HDAC9: variants seen among roughly 807,000 people sequenced by gnomAD.
HDAC9 encodes histone deacetylase 9, also known as MEF-2 interacting transcription repressor (MITR) protein.
In HDAC9, 41 loss-of-function variants were observed where a neutral mutation model predicts 139.4. The ratio of observed to expected loss-of-function variants is 0.29; its 90% CI spans 0.23 to 0.38. The LOEUF (loss-of-function observed/expected upper bound fraction) is 0.38, where lower values mean the gene tolerates loss of function less well. Among genes scored for constraint, HDAC9 ranks in the 10% least tolerant of loss-of-function variants. The pLI is 1.00. For synonymous variants in HDAC9, 517 were observed against 476.2 expected (o/e 1.09, Z -1.12); for missense variants, 1,147 against 1,297.0 (o/e 0.88, Z 1.78).
chr7:18,835,467 G>A lies in HDAC9; in HGVS notation c.2467G>A (p.Asp823Asn), dbSNP rs1273831560. 6.2e-7 allele frequency: 1 copy of A among 1,612,860 alleles called. No individual in the cohort carries two copies. Among genetic ancestry groups the A allele is most frequent in the Non-Finnish European group, 8.5e-7 (1 of 1,179,170 alleles). The change falls in exon 20 of 26, where the codon GAT becomes AAT. Residue 823 changes from aspartate (D) to asparagine (N), a missense_variant and splice_region_variant. Asp to Asn is a conservative substitution (Grantham distance 23). This residue lies in a region of HDAC9 where 407 missense variants were observed against 521.5 expected (regional missense o/e 0.78). Coordinates refer to ENST00000686413, the MANE Select transcript of HDAC9 (RefSeq NM_178425.4). ...GTCGTCTGTTTTCATTTCCCTGTAG[G>A]ATGTTCACCATGGAAACGGTACCCA... is the stretch of plus-strand genomic sequence containing the variant. ...NISKILIVDL[D>N]VHHGNGTQQA...
chr7:18,952,549 C>A (rs187208504), intron 23 of HDAC9, among the ~76,000 whole-genome samples: 1 of 151,964 alleles, frequency 6.6e-6, no homozygotes, highest in Admixed American at 6.6e-5. Flanking sequence ...TACCTGATTT[C>A]TATTAAAAAT....
At chr7:18,259,794 C>T (rs1480788093) in intron 2 of HDAC9, among the ~76,000 whole-genome samples, 1 of 152,126 alleles carries the variant, frequency 6.6e-6, no homozygotes, top group African/African-American at 2.4e-5. Context: ...TTCGAGCCCA[C>T]TTTTATTGGG....
At chr7:18,857,144 C>A (rs1388254829) in intron 21 of HDAC9, among the ~76,000 whole-genome samples, 1 of 152,020 alleles carries the variant, frequency 6.6e-6, no homozygotes, top group Non-Finnish European at 1.5e-5. Flanking sequence ...CTAAAACATG[C>A]TTTTCCTTTT....
At chr7:18,202,961 G>C (rs1004706472) in intron 2 of HDAC9, among the ~76,000 whole-genome samples, 3 of 152,154 alleles carry the variant, frequency 2.0e-5, no homozygotes, top group Non-Finnish European at 4.4e-5. Context: ...GAAAGTTCTT[G>C]TGAGGATTAA....
intron 1 of HDAC9, among the ~76,000 whole-genome samples, chr7:18,298,366 A>G (rs1049394643): frequency 6.6e-6 from 1 of 151,546 alleles, no homozygotes; most frequent in African/African-American, 2.4e-5. Context: ...TACATGTGCC[A>G]TGCTGGTGCG....
At chr7:18,323,221 C>A (rs980776641) in intron 1 of HDAC9, among the ~76,000 whole-genome samples, 3 of 152,122 alleles carry the variant, frequency 2.0e-5, no homozygotes, top group Non-Finnish European at 4.4e-5. Flanking sequence ...ATTTCCAGTT[C>A]TTTCTTATTG....
intron 7 of HDAC9, among the ~76,000 whole-genome samples, chr7:18,630,123 G>A (rs1167501710): frequency 6.6e-6 from 1 of 152,002 alleles, no homozygotes; most frequent in Non-Finnish European, 1.5e-5. Flanking sequence ...AACACCCCTA[G>A]TTCCAGTTGT....
intron 22 of HDAC9, among the ~76,000 whole-genome samples, chr7:18,906,230 C>T (rs781536926): frequency 5.9e-5 from 9 of 151,788 alleles, no homozygotes; most frequent in Non-Finnish European, 1.2e-4. Flanking sequence ...GTAACCTAGA[C>T]GCCTCCCAGG....
intron 25 of HDAC9, among the ~76,000 whole-genome samples, chr7:18,991,451 C>T (rs1392866841): frequency 2.0e-5 from 3 of 152,138 alleles, no homozygotes. Flanking sequence ...TCCTGGCTAA[C>T]ACGGTGAAAC....
At chr7:18,321,603 T>C (rs1421777681) in intron 1 of HDAC9, among the ~76,000 whole-genome samples, 2 of 152,118 alleles carry the variant, frequency 1.3e-5, no homozygotes, top group South Asian at 2.1e-4. Context: ...TTGTACATAT[T>C]GGTGAGGTTT....
At chr7:18,358,348 A>G (rs187949108) in intron 1 of HDAC9, among the ~76,000 whole-genome samples, 1 of 152,346 alleles carries the variant, frequency 6.6e-6, no homozygotes, top group Admixed American at 6.5e-5. Flanking sequence ...TAGGAGGTAG[A>G]AGAAACAGTT....
At chr7:18,635,862 T>G (rs1025514455) in intron 8 of HDAC9, among the ~76,000 whole-genome samples, 1 of 152,126 alleles carries the variant, frequency 6.6e-6, no homozygotes, top group Non-Finnish European at 1.5e-5. Context: ...CTTCACTGTC[T>G]CCTGAGGCAA....
At chr7:18,866,950 G>T (rs1179774233) in intron 21 of HDAC9, among the ~76,000 whole-genome samples, 1 of 152,200 alleles carries the variant, frequency 6.6e-6, no homozygotes, top group Non-Finnish European at 1.5e-5. Context: ...ATCTGATTCT[G>T]AGGAAGTTCA....
intron 1 of HDAC9, among the ~76,000 whole-genome samples, chr7:18,414,138 G>A (rs1788829328): frequency 6.6e-6 from 1 of 151,984 alleles, no homozygotes; most frequent in African/African-American, 2.4e-5. Flanking sequence ...AAAAGACATG[G>A]TTATTTATAT....
chr7:18,301,111 G>A (rs1192943632), intron 1 of HDAC9, among the ~76,000 whole-genome samples: 1 of 151,776 alleles, frequency 6.6e-6, no homozygotes, highest in African/African-American at 2.4e-5. Flanking sequence ...ATAAATAAAA[G>A]GTTTATTGCA....
rs1278264185 is a variant in HDAC9, at chr7:18,625,157, A to T, written c.665-4193A>T. 2.6e-5 allele frequency among the ~76,000 whole-genome samples: 4 copies of T among 152,152 alleles called. No individual in the cohort carries two copies. The South Asian group carries it at 6.2e-4, about 24-fold the overall frequency. ...TTGCCTAGTGTTATTATTTTTAGAAATATTAGTGGTATTGGAAACATTTTA... is the reference window on the plus strand; with the variant it reads ...TTGCCTAGTGTTATTATTTTTAGAATTATTAGTGGTATTGGAAACATTTTA... On this transcript the variant is annotated intron_variant, in intron 6 of 25. Coordinates refer to ENST00000686413, the MANE Select transcript of HDAC9 (RefSeq NM_178425.4).
At chr7:18,123,300 A>G (rs1292837147) in intron 1 of HDAC9, among the ~76,000 whole-genome samples, 1 of 152,234 alleles carries the variant, frequency 6.6e-6, no homozygotes, top group East Asian at 1.9e-4. Flanking sequence ...TTTGCAGCTG[A>G]TAACTCAGTT....
chr7:18,303,863 A>G (rs1444692161), intron 1 of HDAC9, among the ~76,000 whole-genome samples: 1 of 148,106 alleles, frequency 6.8e-6, no homozygotes, highest in Non-Finnish European at 1.5e-5. Context: ...TCCAGTGTCA[A>G]CCTTCTGCTG....
intron 8 of HDAC9, among the ~76,000 whole-genome samples, chr7:18,637,985 G>C (rs533288828): frequency 2.0e-5 from 3 of 152,138 alleles, no homozygotes; most frequent in African/African-American, 7.2e-5. Flanking sequence ...GATTTTTACA[G>C]ATGTCTCCTA....
Sources: gnomAD v4.1 joint callset for allele counts (sites outside exome capture counted in the v4.1 genomes callset) on GRCh38, gnomAD v4.1.1 for gene constraint, gnomAD v4.1.1 regional missense constraint, MANE v1.5 for transcripts, NCBI Gene and HGNC (gene_info 2026-07-23, HGNC 2026-07-21) for gene names.